Variants in VSTM2B observed in about 807,000 individuals in gnomAD.
VSTM2B encodes V-set and transmembrane domain containing 2B.
In VSTM2B, 24 loss-of-function variants were observed where a neutral mutation model predicts 24.0. That is an observed-to-expected ratio of 1.00 (90% confidence interval 0.72 to 1.40). VSTM2B has a LOEUF of 1.40. Ranked by LOEUF, VSTM2B falls within the 40% of genes most tolerant of loss-of-function variation. The pLI is 0.00. For synonymous variants in VSTM2B, 226 were observed against 194.4 expected, an observed-to-expected ratio of 1.16 and a Z score of -1.35; for missense variants, 399 against 416.4, an observed-to-expected ratio of 0.96 and a Z score of 0.36.
chr19:29,564,229 C>T lies in VSTM2B; in HGVS notation c.*295C>T. On this transcript the variant is annotated 3_prime_UTR_variant, in exon 5 of 5. Coordinates refer to ENST00000335523, the MANE Select transcript of VSTM2B (RefSeq NM_001146339.2). The stretch of plus-strand genomic sequence containing the variant: ...ACTTTCCCTCCAAGTCTTCATTTTG[C>T]ACGAACTGTTGAGCAGTTATCTTTA... 1 of 295,942 alleles carries T rather than the reference C, an allele frequency of 3.4e-6. No homozygotes were observed. Among genetic ancestry groups the T allele is most frequent in the South Asian group, 4.5e-5 (1 of 22,190 alleles). The allele number at this position is 295,942 out of a possible 1,614,324, so 18.3% of individuals were successfully genotyped here. A position where few individuals can be genotyped will look rare whatever the true frequency, so the allele number is the denominator to read the frequency against.
chr19:29,528,161 C>T (rs373825258), intron 2 of VSTM2B, among the ~76,000 whole-genome samples: 2 of 152,212 alleles, frequency 1.3e-5, no homozygotes, highest in East Asian at 3.9e-4. Context: ...CTTTCCTTCC[C>T]ACCCTGGTGT....
Position 29,550,903 on chromosome 19 carries a change from A to AG in VSTM2B, c.770-12939dup, listed in dbSNP as rs1344340114. ...GCTCCCAGGCCACCAGCAGGTTTGC[A>AG]GGGGCAAGGGACCTGGCCAGGCCCA... is the stretch of plus-strand genomic sequence containing the variant. On this transcript the variant is annotated intron_variant, in intron 4 of 4. Transcript: ENST00000335523. Among the ~76,000 whole-genome samples the AG allele has an allele frequency of 2.0e-5, 3 of 152,094 alleles. No homozygotes were observed. The East Asian group carries it at 5.8e-4, about 29-fold the overall frequency.
chr19:29,563,160 G>C (rs13382165), intron 4 of VSTM2B, among the ~76,000 whole-genome samples: 49,346 of 151,844 alleles, frequency 0.32, 8,579 homozygotes, highest in Middle Eastern at 0.47. Context: ...GTGGGATCGT[G>C]TAGCCTTCAT....
At chr19:29,550,222 C>T (rs1970246767) in intron 4 of VSTM2B, among the ~76,000 whole-genome samples, 4 of 152,164 alleles carry the variant, frequency 2.6e-5, no homozygotes, top group Admixed American at 2.0e-4. Flanking sequence ...TCACTTGAGG[C>T]CAGGATTTGA....
At chr19:29,539,666 T>G (rs1279315256) in intron 4 of VSTM2B, among the ~76,000 whole-genome samples, 1 of 152,228 alleles carries the variant, frequency 6.6e-6, no homozygotes, top group Non-Finnish European at 1.5e-5. Context: ...TTGCTTTTCA[T>G]GTTCGCATCC....
At chr19:29,544,516 ACT>A (rs1320940524) in intron 4 of VSTM2B, among the ~76,000 whole-genome samples, 1 of 105,934 alleles carries the variant, frequency 9.4e-6, no homozygotes, top group African/African-American at 3.8e-5. Context: ...AAAGAGCGAG[ACT>A]CTGTCTCAAA....
chr19:29,529,730 G>A, intron 3 of VSTM2B, 89 bp from the exon 4 acceptor site: 2 of 1,284,664 alleles, frequency 1.6e-6, no homozygotes, highest in Non-Finnish European at 2.2e-6. Context: ...GTGTTGGGGT[G>A]CGCGGATGAG....
intron 4 of VSTM2B, among the ~76,000 whole-genome samples, chr19:29,554,318 C>T (rs909475474): frequency 5.3e-5 from 8 of 152,186 alleles, no homozygotes; most frequent in African/African-American, 1.9e-4. Flanking sequence ...TCCAGCCAAA[C>T]TAAACTTTAT....
chr19:29,557,051 C>T (rs1970425911), intron 4 of VSTM2B, among the ~76,000 whole-genome samples: 1 of 152,044 alleles, frequency 6.6e-6, no homozygotes, highest in Admixed American at 6.5e-5. Context: ...TCATATGGAG[C>T]CCAAAAAGAG....
At chr19:29,553,478 C>A (rs1161573166) in intron 4 of VSTM2B, among the ~76,000 whole-genome samples, 1 of 152,222 alleles carries the variant, frequency 6.6e-6, no homozygotes, top group Non-Finnish European at 1.5e-5. Context: ...AAGATTGAAG[C>A]TACATAAACT....
intron 4 of VSTM2B, among the ~76,000 whole-genome samples, chr19:29,539,561 C>T (rs1265601922): frequency 6.6e-6 from 1 of 152,332 alleles, no homozygotes; most frequent in East Asian, 1.9e-4. Flanking sequence ...CCACCTATGT[C>T]AGGGAGTGCC....
chr19:29,558,190 T>G (rs775446852), intron 4 of VSTM2B, among the ~76,000 whole-genome samples: 3 of 152,068 alleles, frequency 2.0e-5, no homozygotes, highest in Non-Finnish European at 4.4e-5. Flanking sequence ...GAATGGTGAT[T>G]ATTAAAAAGT....
chr19:29,533,068 T>C (rs1202868625), intron 4 of VSTM2B, among the ~76,000 whole-genome samples: 1 of 152,048 alleles, frequency 6.6e-6, no homozygotes, highest in Admixed American at 6.5e-5. Context: ...GGAGGCTGAA[T>C]GAGAGAGTGA....
intron 4 of VSTM2B, among the ~76,000 whole-genome samples, chr19:29,530,567 G>T (rs991238963): frequency 1.3e-5 from 2 of 152,214 alleles, no homozygotes; most frequent in Non-Finnish European, 2.9e-5. Flanking sequence ...GGAGGCTGTA[G>T]TGTGGGGAGG....
chr19:29,563,721 C>A, intron 4 of VSTM2B, 125 bp from the exon 5 acceptor site: 1 of 763,956 alleles, frequency 1.3e-6, no homozygotes, highest in South Asian at 1.7e-5. Flanking sequence ...ATGCACCAGC[C>A]TCCAGCTGGG....
At chr19:29,529,657 A>C (rs1969681152) in intron 3 of VSTM2B, among the ~76,000 whole-genome samples, 162 bp from the exon 4 acceptor site, 1 of 152,196 alleles carries the variant, frequency 6.6e-6, no homozygotes, top group African/African-American at 2.4e-5. Context: ...GCCCTATGCC[A>C]CTGGGTAGAC....
chr19:29,555,958 C>T (rs939006311), intron 4 of VSTM2B, among the ~76,000 whole-genome samples: 7 of 152,168 alleles, frequency 4.6e-5, no homozygotes, highest in African/African-American at 1.4e-4. Flanking sequence ...GATGGATTTA[C>T]AGCTGAATTC....
At chr19:29,549,918 C>T (rs1970239710) in intron 4 of VSTM2B, among the ~76,000 whole-genome samples, 1 of 151,938 alleles carries the variant, frequency 6.6e-6, no homozygotes, top group South Asian at 2.1e-4. Context: ...GGTCTGCTCC[C>T]AGCTGCCCCA....
intron 4 of VSTM2B, among the ~76,000 whole-genome samples, chr19:29,539,347 G>A (rs901091725): frequency 1.3e-5 from 2 of 152,126 alleles, no homozygotes; most frequent in Non-Finnish European, 2.9e-5. Flanking sequence ...CTTTCGGGTG[G>A]CAAGGAGAAG....
Sources: gnomAD v4.1 joint callset for allele counts (sites outside exome capture counted in the v4.1 genomes callset) on GRCh38, gnomAD v4.1.1 for gene constraint, MANE v1.5 for transcripts, NCBI Gene and HGNC (gene_info 2026-07-23, HGNC 2026-07-21) for gene names.